The following MCUR1 variants were observed in gnomAD, a reference collection of about 807,000 sequenced individuals.
The protein encoded by MCUR1 is mitochondrial calcium uniporter regulator 1, also known as MCU regulator 1.
A neutral mutation model predicts 42.0 loss-of-function variants in MCUR1; 37 were observed. That is an observed-to-expected ratio of 0.88 (90% CI 0.68 to 1.16). The LOEUF (loss-of-function observed/expected upper bound fraction) is 1.16, where lower values mean the gene tolerates loss of function less well. MCUR1 is among the 50% of genes most tolerant of loss of function. The probability of loss-of-function intolerance (pLI) is 0.00; values close to 1 mark genes in which losing one functional copy is unlikely to be tolerated. For missense variants in MCUR1, 469 were observed against 468.4 expected, an observed-to-expected ratio of 1.00 and a Z score of -0.01; for synonymous variants, 229 against 196.2, an observed-to-expected ratio of 1.17 and a Z score of -1.40.
In MCUR1 at chr6:13,791,015, A is replaced by T. The variant is rs1464024524; in HGVS notation, c.1025-151T>A. ...TCCGTGAAACGCCTGCCTACTGAAA[A>T]AACAAATCCCACACCCTTTATTTTA... On this transcript the variant is annotated intron_variant, in intron 8 of 8. Transcript: ENST00000379170. 3 of 550,382 alleles carry T rather than the reference A, an allele frequency of 5.5e-6. No individual in the cohort carries two copies. In the African/African-American group the frequency reaches 6.0e-5, roughly 11 times the overall value. 34.1% of individuals were successfully genotyped at this position (550,382 alleles called of 1,614,324 possible).
At position 13,789,892 on chromosome 6, in the gene MCUR1, T is replaced by C. The variant is rs1318200867; in HGVS notation, c.*917A>G. The C allele has an allele frequency of 6.6e-6, 1 of 152,202 alleles. No homozygotes were observed. The highest frequency in any genetic ancestry group is 6.5e-5 in the Admixed American group (1 of 15,278). 9.4% of individuals were successfully genotyped at this position (152,202 alleles called of 1,614,324 possible). On this transcript the variant is annotated 3_prime_UTR_variant, in exon 9 of 9. Transcript: ENST00000379170. ...GTCCCCATTACAATTGCAATGCTTC[T>C]TTAGACAGCTGATTTTTCTGGCTGG...
Position 13,814,422 on chromosome 6 carries a change from C to T in MCUR1, c.8G>A (p.Cys3Tyr), listed in dbSNP as rs1035209167. 2.0e-6 allele frequency: 3 copies of T among 1,537,276 alleles called. No homozygotes were observed. The highest frequency in any genetic ancestry group is 1.7e-6 in the Non-Finnish European group (2 of 1,152,620). ...GGTCCTCTGGCCGCCGACCGAGCCG[C>T]AGTCCATCCCCGAGCAGTTCACTGG... MD[C>Y]GSVGGQRTQR... is the part of the protein sequence containing the mutation. Residue 3 changes from cysteine to tyrosine, a missense_variant, in exon 1 of 9, where the codon TGC becomes TAC. Physicochemically the swap from Cys to Tyr is radical, Grantham distance 194. Coordinates refer to ENST00000379170, the MANE Select transcript of MCUR1 (RefSeq NM_001031713.4).
In MCUR1 at chr6:13,787,672, G is replaced by C. The variant is rs1225782688; in HGVS notation, c.*3137C>G. The C allele has an allele frequency of 6.6e-6, 1 of 152,116 alleles. No homozygotes were observed. Among genetic ancestry groups the C allele is most frequent in the Non-Finnish European group, 1.5e-5 (1 of 68,038 alleles). 9.4% of individuals were successfully genotyped at this position (152,116 alleles called of 1,614,324 possible). A position where few individuals can be genotyped will look rare whatever the true frequency, so the allele number is the denominator to read the frequency against. On this transcript the variant is annotated 3_prime_UTR_variant, in exon 9 of 9. Transcript: ENST00000379170. ...ATGTGAGATTCTGCTTCAGGTATTG[G>C]ACATCGTTCCCTCCACCTGCACCTA...
At chr6:13,806,888 T>C in intron 2 of MCUR1, 37 bp downstream of exon 2, 1 of 1,538,350 alleles carries the variant, frequency 6.5e-7, no homozygotes, top group Non-Finnish European at 8.8e-7. Flanking sequence ...TTAAAGTGTT[T>C]TTCTAAGGCA....
chr6:13,811,842 C>T (rs1760242035), intron 1 of MCUR1, among the ~76,000 whole-genome samples: 1 of 151,450 alleles, frequency 6.6e-6, no homozygotes, highest in African/African-American at 2.4e-5. Context: ...CTTTGTAACG[C>T]CAATTTGGAT....
At position 13,802,236 on chromosome 6, in the gene MCUR1, G is replaced by A. The variant is rs754584249; in HGVS notation, c.639+7C>T. ...CCTAATTTGCTAAACCACCCAACAA[G>A]GCTAACCTGCTGCATCTTGGTGACC... On this transcript the variant is annotated splice_region_variant and intron_variant, in intron 3 of 8. Coordinates refer to ENST00000379170, the MANE Select transcript of MCUR1 (RefSeq NM_001031713.4). 4.3e-6 allele frequency: 7 copies of A among 1,612,476 alleles called. No homozygotes were observed. Among genetic ancestry groups the A allele is most frequent in the Non-Finnish European group, 5.9e-6 (7 of 1,178,908 alleles).
chr6:13,797,504 C>G (rs1045883209), intron 6 of MCUR1, among the ~76,000 whole-genome samples: 4 of 149,858 alleles, frequency 2.7e-5, no homozygotes, highest in Admixed American at 1.3e-4. Context: ...GTCAGGAGAT[C>G]GACACCATCC....
In MCUR1 at chr6:13,790,758, T is replaced by G; in HGVS notation, c.*51A>C. Reference sequence around the variant, plus strand: ...GTGAGCCACCGCACCCAGCCAACAATCTGGTATTCTTAAGGCAAAACAGTA... The same window carrying G: ...GTGAGCCACCGCACCCAGCCAACAAGCTGGTATTCTTAAGGCAAAACAGTA... On this transcript the variant is annotated 3_prime_UTR_variant, in exon 9 of 9. Transcript: ENST00000379170. 2 of 1,465,972 alleles carry G rather than the reference T, an allele frequency of 1.4e-6. No homozygotes were observed. The highest frequency in any genetic ancestry group is 1.9e-6 in the Non-Finnish European group (2 of 1,053,556). The allele number at this position is 1,465,972 out of a possible 1,614,324, so 90.8% of individuals were successfully genotyped here.
rs761545857 is a variant in MCUR1 at position 13,801,293 on chromosome 6, T to A, written c.736A>T (p.Asn246Tyr). 2 of 1,608,438 alleles carry A rather than the reference T, an allele frequency of 1.2e-6. No homozygotes were observed. Among genetic ancestry groups the A allele is most frequent in the Non-Finnish European group, 1.7e-6 (2 of 1,175,758 alleles). The change falls in exon 4 of 9, where the codon AAT becomes TAT. Residue 246 changes from asparagine to tyrosine, a missense_variant. Physicochemically the swap from Asn to Tyr is moderately radical, Grantham distance 143. Transcript: ENST00000379170. ...TGTGAGAGGCTCTGTTTTACCTCATTTTCTGCTCTGAGGGCTGAAAATTCA... is the reference window on the plus strand; with the variant it reads ...TGTGAGAGGCTCTGTTTTACCTCATATTCTGCTCTGAGGGCTGAAAATTCA... ...KSEFSALRAE[N>Y]EKIKLELHQL...
At chr6:13,803,639 A>C (rs1327195548) in intron 2 of MCUR1, 1 of 610,152 alleles carries the variant, frequency 1.6e-6, no homozygotes, top group African/African-American at 2.0e-5. Context: ...AAAAACCTCC[A>C]AAGACCTATT....
chr6:13,814,451 G>A lies in MCUR1; in HGVS notation c.-22C>T, dbSNP rs202211273. 2.4e-5 allele frequency: 35 copies of A among 1,484,836 alleles called. No individual in the cohort carries two copies. The African/African-American group carries it at 3.9e-4, about 17-fold the overall frequency. The allele number at this position is 1,484,836 out of a possible 1,614,324, so 92.0% of individuals were successfully genotyped here. A position where few individuals can be genotyped will look rare whatever the true frequency, so the allele number is the denominator to read the frequency against. On this transcript the variant is annotated 5_prime_UTR_variant, in exon 1 of 9. Transcript: ENST00000379170. ...CCATCCCCGAGCAGTTCACTGGCCC[G>A]GGCGCGCGCTCATGCCTCTCGCTTT...
In MCUR1 at chr6:13,793,143, A is replaced by G. The variant is rs977238983; in HGVS notation, c.909+751T>C. On this transcript the variant is annotated intron_variant, in intron 7 of 8. Transcript: ENST00000379170. ...CCCACCTCAAAAAAAAAAAAAAAAA[A>G]AAAGAAAGAAGAAAAGGAAACTTTC... is the stretch of plus-strand genomic sequence containing the variant. Among the ~76,000 whole-genome samples the G allele has an allele frequency of 2.0e-4, 31 of 151,596 alleles. No individual in the cohort carries two copies. The East Asian group carries it at 2.7e-3, about 13-fold the overall frequency.
In MCUR1 at chr6:13,814,197, G is replaced by T. The variant is rs1360062127; in HGVS notation, c.233C>A (p.Pro78Gln). 4 of 1,401,534 alleles carry T rather than the reference G, an allele frequency of 2.9e-6. No individual in the cohort carries two copies. The highest frequency in any genetic ancestry group is 1.5e-5 in the South Asian group (1 of 64,978). 86.8% of individuals were successfully genotyped at this position (1,401,534 alleles called of 1,614,324 possible). The change falls in exon 1 of 9, where the codon CCG (proline) becomes CAG (glutamine). Residue 78 changes from proline to glutamine, a missense_variant. Physicochemically the swap from Pro to Gln is moderately conservative, Grantham distance 76. Transcript: ENST00000379170. ...GCGCGGGGCTGCGGCGGCCAAGCGCGGGGAGGGCACTAGCAGGAGGAGGAG... is the reference window on the plus strand; with the variant it reads ...GCGCGGGGCTGCGGCGGCCAAGCGCTGGGAGGGCACTAGCAGGAGGAGGAG... ...PLLLLLLVPS[P>Q]RLAAAAPRRQ...
At chr6:13,802,065 C>G (rs538610775) in intron 3 of MCUR1, among the ~76,000 whole-genome samples, 178 bp downstream of exon 3, 1 of 152,286 alleles carries the variant, frequency 6.6e-6, no homozygotes, top group Admixed American at 6.5e-5. Context: ...CAACTGTTGA[C>G]TAAATAGTTC....
In MCUR1 at chr6:13,803,036, A is replaced by G. The variant is rs188643976; in HGVS notation, c.536-690T>C. On this transcript the variant is annotated intron_variant, in intron 2 of 8. Coordinates refer to ENST00000379170, the MANE Select transcript of MCUR1 (RefSeq NM_001031713.4). ...GTAGTCAATAAATGATACTGAATTG[A>G]ATGATAGAGATTCAATGCAGTACTT... 5.4e-4 allele frequency among the ~76,000 whole-genome samples: 82 copies of G among 152,348 alleles called. 2 individuals are homozygous for G. The highest frequency in any genetic ancestry group is 5.0e-3 in the Admixed American group (76 of 15,308).
chr6:13,793,125 CAAA>C (rs781438643), intron 7 of MCUR1, among the ~76,000 whole-genome samples: 48 of 87,872 alleles, frequency 5.5e-4, no homozygotes, highest in Middle Eastern at 5.3e-3. Context: ...GACCCCACCT[CAAA>C]AAAAAAAAAA....
rs1327677164 is a variant in MCUR1 at position 13,787,215 on chromosome 6, T to C, written c.*3594A>G. Reference sequence around the variant, plus strand: ...CATAGCTACAAAAGGAAAAGCCACATGGAAGCAGAGACAAAGGCAATCCCG... The same window carrying C: ...CATAGCTACAAAAGGAAAAGCCACACGGAAGCAGAGACAAAGGCAATCCCG... On this transcript the variant is annotated 3_prime_UTR_variant, in exon 9 of 9. Coordinates refer to ENST00000379170, the MANE Select transcript of MCUR1 (RefSeq NM_001031713.4). The C allele has an allele frequency of 6.6e-6, 1 of 152,154 alleles. No individual in the cohort carries two copies. 9.4% of individuals were successfully genotyped at this position (152,154 alleles called of 1,614,324 possible).
At chr6:13,805,908 G>A (rs1399257949) in intron 2 of MCUR1, among the ~76,000 whole-genome samples, 1 of 152,112 alleles carries the variant, frequency 6.6e-6, no homozygotes, top group African/African-American at 2.4e-5. Context: ...ATATATACCA[G>A]AACAATCTTT....
rs756491393 is a variant in MCUR1, at chr6:13,786,913, A to G, written c.*3896T>C. 2 of 152,210 alleles carry G rather than the reference A, an allele frequency of 1.3e-5. No homozygotes were observed. The highest frequency in any genetic ancestry group is 2.1e-4 in the South Asian group (1 of 4,830). The allele number at this position is 152,210 out of a possible 1,614,324, so 9.4% of individuals were successfully genotyped here. ...CTAATAAAAGGCTAAACATTCTCAA[A>G]TATTTTACATACATGAAGAATAAAT... On this transcript the variant is annotated 3_prime_UTR_variant, in exon 9 of 9. Coordinates refer to ENST00000379170, the MANE Select transcript of MCUR1 (RefSeq NM_001031713.4).
Sources: allele counts gnomAD v4.1 joint callset (sites outside exome capture counted in the v4.1 genomes callset), GRCh38; gene constraint gnomAD v4.1.1; transcripts MANE v1.5; gene names NCBI Gene and HGNC (gene_info 2026-07-23, HGNC 2026-07-21).